Variants in RNF228 observed in about 807,000 individuals in gnomAD.
The protein encoded by RNF228 is ring finger protein 228.
At chr2:222,317,418 C>G in the RNF228 span, 1 of 152,162 alleles carries the variant, frequency 6.6e-6, no homozygotes, top group African/African-American at 2.4e-5. Context: ...GTCAGGATAT[C>G]ATGCAGACAG....
the RNF228 span, among the ~76,000 whole-genome samples, chr2:222,315,128 T>C: frequency 2.0e-5 from 3 of 151,772 alleles, no homozygotes; most frequent in Non-Finnish European, 4.4e-5. Flanking sequence ...GGAAGGAAAC[T>C]ATTTACCTAA....
chr2:222,314,670 G>A, the RNF228 span, among the ~76,000 whole-genome samples: 2 of 152,248 alleles, frequency 1.3e-5, no homozygotes, highest in Admixed American at 1.3e-4. Context: ...GAATAACTGG[G>A]GGATTACTTA....
At chr2:222,315,453 T>C in the RNF228 span, among the ~76,000 whole-genome samples, 1 of 152,216 alleles carries the variant, frequency 6.6e-6, no homozygotes, top group African/African-American at 2.4e-5. Flanking sequence ...CCACTGGGAA[T>C]AGAGTGGCCA....
At chr2:222,319,251 C>G in the RNF228 span, 15 of 332,164 alleles carry the variant, frequency 4.5e-5, no homozygotes, top group South Asian at 6.9e-4. This position sits in a 1 kb window ranked among gnomAD's most constrained non-coding sequence, Gnocchi z 7.6. Context: ...CGGTGCCTCG[C>G]CAGGGGGCGC....
the RNF228 span, chr2:222,319,220 G>T: frequency 3.1e-6 from 1 of 323,218 alleles, no homozygotes. This position sits in a 1 kb window ranked among gnomAD's most constrained non-coding sequence, Gnocchi z 7.6. Flanking sequence ...CCACGGGCGA[G>T]GGCGAGGGCG....
the RNF228 span, chr2:222,319,293 T>C: frequency 5.8e-6 from 2 of 344,812 alleles, no homozygotes; most frequent in South Asian, 1.4e-4. This position sits in a 1 kb window ranked among gnomAD's most constrained non-coding sequence, Gnocchi z 7.6. Flanking sequence ...GCCGCCGTAG[T>C]GGTTGACGAA....
the RNF228 span, among the ~76,000 whole-genome samples, chr2:222,314,560 A>G: frequency 6.6e-6 from 1 of 152,372 alleles, no homozygotes; most frequent in Non-Finnish European, 1.5e-5. Flanking sequence ...TTCATTGTCC[A>G]TAAAGTGAAT....
the RNF228 span, among the ~76,000 whole-genome samples, chr2:222,316,770 CAACA>C: frequency 5.3e-4 from 80 of 152,172 alleles, no homozygotes; most frequent in South Asian, 8.1e-3. Context: ...TTGTGCAACT[CAACA>C]GTTTTTAGTG....
the RNF228 span, among the ~76,000 whole-genome samples, chr2:222,316,312 A>G: frequency 6.6e-6 from 1 of 152,236 alleles, no homozygotes; most frequent in Non-Finnish European, 1.5e-5. Flanking sequence ...AGAAATTAGC[A>G]ATAAAGCATG....
the RNF228 span, chr2:222,318,639 G>C: frequency 6.6e-6 from 1 of 152,358 alleles, no homozygotes; most frequent in African/African-American, 2.4e-5. Flanking sequence ...CAGGCGGGGC[G>C]GTGGGGCTCC....
the RNF228 span, among the ~76,000 whole-genome samples, chr2:222,316,759 C>T: frequency 6.6e-6 from 1 of 152,146 alleles, no homozygotes; most frequent in Non-Finnish European, 1.5e-5. Context: ...TGTAGCTGCA[C>T]TTGTGCAACT....
the RNF228 span, among the ~76,000 whole-genome samples, chr2:222,316,377 T>G: frequency 6.6e-6 from 1 of 152,258 alleles, no homozygotes; most frequent in East Asian, 1.9e-4. Flanking sequence ...TAAGTGTGTC[T>G]CTTTGACTTC....
chr2:222,315,942 C>T, the RNF228 span, among the ~76,000 whole-genome samples: 1 of 152,102 alleles, frequency 6.6e-6, no homozygotes, highest in Non-Finnish European at 1.5e-5. Flanking sequence ...CAGGAGTTTC[C>T]AAGCAGGTAC....
At chr2:222,319,769 A>AGCGGCG in the RNF228 span, among the ~76,000 whole-genome samples, 3 of 140,400 alleles carry the variant, frequency 2.1e-5, no homozygotes, top group Non-Finnish European at 4.7e-5. This position sits in a 1 kb window ranked among gnomAD's most constrained non-coding sequence, Gnocchi z 7.6. Context: ...GCGCGGCGGC[A>AGCGGCG]GCGGCGGCGG....
chr2:222,316,940 G>A, the RNF228 span, among the ~76,000 whole-genome samples: 2 of 152,162 alleles, frequency 1.3e-5, no homozygotes, highest in Admixed American at 1.3e-4. Context: ...TTCATAGAAG[G>A]CAAGAACAAA....
the RNF228 span, among the ~76,000 whole-genome samples, chr2:222,319,760 CGCGGCGGCAGCG>C: frequency 7.1e-6 from 1 of 141,440 alleles, no homozygotes; most frequent in African/African-American, 2.6e-5. This position sits in a 1 kb window ranked among gnomAD's most constrained non-coding sequence, Gnocchi z 7.6. Context: ...GGCGCTCAGG[CGCGGCGGCAGCG>C]GCGGCGGCGG....
the RNF228 span, chr2:222,317,168 A>T: frequency 6.6e-6 from 1 of 152,228 alleles, no homozygotes; most frequent in African/African-American, 2.4e-5. Flanking sequence ...AGAAGGGGAC[A>T]TGTATTTAAG....
At chr2:222,319,538 A>C in the RNF228 span, among the ~76,000 whole-genome samples, 1 of 142,446 alleles carries the variant, frequency 7.0e-6, no homozygotes, top group Non-Finnish European at 1.5e-5. This position sits in a 1 kb window ranked among gnomAD's most constrained non-coding sequence, Gnocchi z 7.6. Flanking sequence ...GCGGCGGGGC[A>C]GCAGCGGGCG....
the RNF228 span, chr2:222,319,448 G>A: frequency 2.2e-5 from 4 of 184,586 alleles, no homozygotes; most frequent in Middle Eastern, 2.1e-3. The surrounding 1 kb of genome is among the most constrained non-coding windows in gnomAD (Gnocchi z 7.6). Flanking sequence ...CTCGAGGCCC[G>A]GGGGCCGCGT....
Sources: gnomAD v4.1 joint callset for allele counts (sites outside exome capture counted in the v4.1 genomes callset) on GRCh38, gnomAD v4.1.1 for gene constraint, Gnocchi (gnomAD v3.1) non-coding constraint, MANE v1.5 for transcripts, NCBI Gene and HGNC (gene_info 2026-07-23, HGNC 2026-07-21) for gene names.